DNAH17: variants seen among roughly 807,000 people sequenced by gnomAD.
The protein encoded by DNAH17 is dynein axonemal heavy chain 17.
DNAH17 carries 376 observed loss-of-function variants against 485.6 expected under a neutral mutation model. The ratio of observed to expected loss-of-function variants is 0.77; its 90% confidence interval spans 0.71 to 0.84. The LOEUF is 0.84. DNAH17 is among the 40% of genes least tolerant of loss of function. The probability of loss-of-function intolerance (pLI) is 0.00; values close to 1 mark genes in which losing one functional copy is unlikely to be tolerated. For synonymous variants in DNAH17, 3,031 were observed against 2,405.9 expected (o/e 1.26, Z -7.60); for missense variants, 6,370 against 5,839.3 (o/e 1.09, Z -2.96).
chr17:78,551,770 T>G, intron 15 of DNAH17, 132 bp from the exon 16 acceptor site: 10 of 744,692 alleles, frequency 1.3e-5, no homozygotes, highest in Non-Finnish European at 2.2e-5. Context: ...GAGACCAGCC[T>G]GGGCAACATG....
At chr17:78,434,670 G>GGGGAT (rs2086800635) in intron 74 of DNAH17, among the ~76,000 whole-genome samples, 1 of 151,670 alleles carries the variant, frequency 6.6e-6, no homozygotes, top group African/African-American at 2.4e-5. Context: ...ATAGAGGATG[G>GGGGAT]GGGATGGGAT....
At chr17:78,474,643 T>C (rs1388702253) in intron 54 of DNAH17, among the ~76,000 whole-genome samples, 2 of 147,738 alleles carry the variant, frequency 1.4e-5, no homozygotes, top group Admixed American at 6.8e-5. Context: ...TGTGGACTTG[T>C]GTCCATCGAG....
intron 38 of DNAH17, among the ~76,000 whole-genome samples, chr17:78,495,417 G>A (rs1353160880): frequency 2.7e-5 from 4 of 149,020 alleles, no homozygotes; most frequent in South Asian, 2.1e-4. Context: ...GGAGGCCCTC[G>A]CCTGCCTCAT....
At chr17:78,518,877 T>G (rs692161) in intron 25 of DNAH17, among the ~76,000 whole-genome samples, 30,814 of 151,800 alleles carry the variant, frequency 0.2, 3,627 homozygotes, top group East Asian at 0.52. Context: ...GCTTAGAAAT[T>G]TAAAATACAG....
At chr17:78,569,745 G>T (rs2092322971) in intron 7 of DNAH17, among the ~76,000 whole-genome samples, 1 of 152,242 alleles carries the variant, frequency 6.6e-6, no homozygotes, top group South Asian at 2.1e-4. Context: ...ATGGGTGGGG[G>T]TCGCAGATGA....
chr17:78,539,806 C>G lies in DNAH17; in HGVS notation c.2607G>C (p.Met869Ile). 1 of 1,611,900 alleles carries G rather than the reference C, an allele frequency of 6.2e-7. No individual in the cohort carries two copies. Among genetic ancestry groups the G allele is most frequent in the Non-Finnish European group, 8.5e-7 (1 of 1,179,544 alleles). The change falls in exon 18 of 81, where the codon ATG (methionine) becomes ATC (isoleucine). Residue 869 changes from methionine (M) to isoleucine (I), a missense_variant. Physicochemically the swap from Met to Ile is conservative, Grantham distance 10. Coordinates refer to ENST00000389840, the MANE Select transcript of DNAH17 (RefSeq NM_173628.4). ...TGAACTGGTCAAATTCATCTAAGAC[C>G]ATGTCGTCAATGTAGATGACATAAT... is the stretch of plus-strand genomic sequence containing the variant. ...WKDYVIYIDD[M>I]VLDEFDQFIR...
At chr17:78,523,716 G>A (rs1353118115) in intron 25 of DNAH17, among the ~76,000 whole-genome samples, 1 of 152,170 alleles carries the variant, frequency 6.6e-6, no homozygotes. Flanking sequence ...GACCAGCCTG[G>A]GCAACACAGC....
In DNAH17 at chr17:78,529,134, T is replaced by C. The variant is rs564822525; in HGVS notation, c.3507+338A>G. 5.3e-5 allele frequency among the ~76,000 whole-genome samples: 8 copies of C among 152,182 alleles called. No homozygotes were observed. In the South Asian group the frequency reaches 1.7e-3, roughly 32 times the overall value. On this transcript the variant is annotated intron_variant, in intron 22 of 80. Transcript: ENST00000389840. ...TTTCTATATTTTTGTAGAGATGGGC[T>C]TTCTCCCACGTTGCTCAGGCTGGTC...
intron 78 of DNAH17, 104 bp from the exon 79 acceptor site, chr17:78,426,704 G>A (rs1384703247): frequency 1.0e-5 from 15 of 1,474,912 alleles, no homozygotes; most frequent in Middle Eastern, 2.2e-4. Context: ...GCTTTGTGCT[G>A]CGCCTCTGGA....
In DNAH17 at chr17:78,437,663, T is replaced by C. The variant is rs2086893781; in HGVS notation, c.12011A>G (p.Lys4004Arg). Residue 4004 changes from lysine to arginine, a missense_variant, in exon 74 of 81, where the codon AAG becomes AGG. Coordinates refer to ENST00000389840, the MANE Select transcript of DNAH17 (RefSeq NM_173628.4). ...TACCTGGGTGAACAGGTCCAGGGCC[T>C]TGTGCAAGTTGGCGTGCATGCCCGT... ...PPTGMHANLH[K>R]ALDLFTQDTL... 1 of 1,610,494 alleles carries C rather than the reference T, an allele frequency of 6.2e-7. No individual in the cohort carries two copies.
intron 25 of DNAH17, chr17:78,522,157 GC>G (rs1354959328): frequency 6.4e-6 from 1 of 157,332 alleles, no homozygotes; most frequent in East Asian, 1.9e-4. Flanking sequence ...AGTTTTGGTT[GC>G]CGGGCAGGAG....
chr17:78,527,152 A>G lies in DNAH17; in HGVS notation c.3508-156T>C, dbSNP rs62075881. Among the ~76,000 whole-genome samples, 20,077 of 152,098 alleles carry G rather than the reference A, an allele frequency of 0.13. 1,722 individuals carry two copies. Among genetic ancestry groups the G allele is most frequent in the Middle Eastern group, 0.22 (66 of 294 alleles). On this transcript the variant is annotated intron_variant, in intron 22 of 80. Coordinates refer to ENST00000389840, the MANE Select transcript of DNAH17 (RefSeq NM_173628.4). ...AATCTCAGCACTTTGGGAGGCTGAG[A>G]TGGAAGGATCACTTGAGCCCAGGAG...
At position 78,491,688 on chromosome 17, in the gene DNAH17, C is replaced by T. The variant is rs143776082; in HGVS notation, c.6542-118G>A. The T allele has an allele frequency of 3.3e-5, 48 of 1,438,378 alleles. No individual in the cohort carries two copies. The African/African-American group carries it at 5.7e-4, about 17-fold the overall frequency. The allele number at this position is 1,438,378 out of a possible 1,614,324, so 89.1% of individuals were successfully genotyped here. On this transcript the variant is annotated intron_variant, in intron 42 of 80. Coordinates refer to ENST00000389840, the MANE Select transcript of DNAH17 (RefSeq NM_173628.4). ...GAGCCTGTCCCCTACTTCAGAGGAA[C>T]AGCAGAGGCCCTCGGGCATGAGGTG...
At chr17:78,434,343 T>C in intron 74 of DNAH17, 123 bp from the exon 75 acceptor site, 1 of 878,470 alleles carries the variant, frequency 1.1e-6, no homozygotes, top group Non-Finnish European at 1.7e-6. Flanking sequence ...CGGTGGGGGG[T>C]ACAAAGCTGT....
rs563068080 is a variant in DNAH17, at chr17:78,494,699, T to C, written c.6164A>G (p.Asn2055Ser). The part of the protein sequence containing the change: ...QVLMRALRDF[N>S]IPKIVTDDLP... ...GTCGTCTGTCACAATCTTGGGGATG[T>C]TGAAGTCTCTCAGCGCCCGCATGAG... The change falls in exon 40 of 81, where the codon AAC becomes AGC. Residue 2055 changes from asparagine (N) to serine (S), a missense_variant. By Grantham distance (46) the Asn-to-Ser change is conservative (BLOSUM62 1). Transcript: ENST00000389840. 22 of 1,613,816 alleles carry C rather than the reference T, an allele frequency of 1.4e-5. No homozygotes were observed. Among genetic ancestry groups the C allele is most frequent in the South Asian group, 3.3e-5 (3 of 91,090 alleles).
intron 72 of DNAH17, among the ~76,000 whole-genome samples, chr17:78,439,445 T>TC (rs773135679): frequency 7.2e-5 from 11 of 152,130 alleles, no homozygotes; most frequent in Non-Finnish European, 1.2e-4. Context: ...TAGAACATTG[T>TC]CATGGCCCAA....
chr17:78,490,696 C>G lies in DNAH17; in HGVS notation c.6818+3G>C. 1 of 1,605,124 alleles carries G rather than the reference C, an allele frequency of 6.2e-7. No individual in the cohort carries two copies. The highest frequency in any genetic ancestry group is 8.5e-7 in the Non-Finnish European group (1 of 1,175,130). ...GGAACAGGAAAGCCAAAGCCCCACTCACGGGTTCCATCCCAGGTCGGCTGG... is the reference window on the plus strand; with the variant it reads ...GGAACAGGAAAGCCAAAGCCCCACTGACGGGTTCCATCCCAGGTCGGCTGG... On this transcript the variant is annotated splice_donor_region_variant and intron_variant, in intron 44 of 80. Coordinates refer to ENST00000389840, the MANE Select transcript of DNAH17 (RefSeq NM_173628.4).
chr17:78,452,238 A>G (rs1004491112), intron 65 of DNAH17, among the ~76,000 whole-genome samples: 1 of 152,096 alleles, frequency 6.6e-6, no homozygotes, highest in African/African-American at 2.4e-5. Context: ...GCATCTCTGC[A>G]TTTAAAGGTG....
intron 54 of DNAH17, chr17:78,472,622 G>A (rs1258993111): frequency 4.9e-6 from 2 of 408,788 alleles, no homozygotes; most frequent in Non-Finnish European, 1.0e-5. Flanking sequence ...TGGCCCCGGG[G>A]GCTGTGTGTG....
Sources: allele counts gnomAD v4.1 joint callset (sites outside exome capture counted in the v4.1 genomes callset), GRCh38; gene constraint gnomAD v4.1.1; transcripts MANE v1.5; gene names NCBI Gene and HGNC (gene_info 2026-07-23, HGNC 2026-07-21).